The following SLF2 variants were observed in gnomAD, a reference collection of about 807,000 sequenced individuals.
SLF2 encodes the protein SMC5/6 complex localization factor 2.
SLF2 carries 68 observed loss-of-function variants against 124.3 expected under a neutral mutation model. The ratio of observed to expected loss-of-function variants is 0.55; its 90% confidence interval spans 0.45 to 0.67. SLF2 has a LOEUF of 0.67. SLF2 is among the 30% of genes least tolerant of loss of function. The pLI, the probability that SLF2 is intolerant of heterozygous loss-of-function variation, is 0.00. For synonymous variants in SLF2, 480 were observed against 478.8 expected (o/e 1.00, Z -0.03); for missense variants, 1,246 against 1,373.7 (o/e 0.91, Z 1.47).
chr10:100,939,025 G>C (rs1230377625), intron 11 of SLF2, among the ~76,000 whole-genome samples: 1 of 151,590 alleles, frequency 6.6e-6, no homozygotes, highest in Non-Finnish European at 1.5e-5. Flanking sequence ...AATTAGACAA[G>C]AGAAAAAAAA....
intron 9 of SLF2, among the ~76,000 whole-genome samples, chr10:100,934,706 G>A (rs919656302): frequency 6.6e-6 from 1 of 151,752 alleles, no homozygotes; most frequent in Non-Finnish European, 1.5e-5. Flanking sequence ...TCCACATCCC[G>A]AATTCAAGCG....
intron 12 of SLF2, among the ~76,000 whole-genome samples, chr10:100,944,677 T>C (rs529200512): frequency 3.9e-5 from 6 of 152,284 alleles, no homozygotes; most frequent in Admixed American, 2.6e-4. Context: ...AATAGTTTTT[T>C]ATAAGTAGGA....
chr10:100,952,132 CACT>C (rs1340616735), intron 17 of SLF2, among the ~76,000 whole-genome samples: 11 of 151,738 alleles, frequency 7.2e-5, no homozygotes, highest in African/African-American at 2.7e-4. Context: ...TAATCCCAGC[CACT>C]CGGGAGGCTG....
At chr10:100,947,686 C>T in intron 14 of SLF2, 74 bp from the exon 15 acceptor site, 1 of 1,033,516 alleles carries the variant, frequency 9.7e-7, no homozygotes, top group Non-Finnish European at 1.5e-6. Context: ...TAGAGCTCCT[C>T]TTGGCTCATT....
intron 4 of SLF2, among the ~76,000 whole-genome samples, chr10:100,918,821 G>C (rs931743883): frequency 1.3e-5 from 2 of 151,738 alleles, no homozygotes; most frequent in African/African-American, 4.8e-5. Context: ...ACGAGGTTTC[G>C]CCACGTTGCC....
chr10:100,916,242 A>G (rs1189014031), intron 2 of SLF2, among the ~76,000 whole-genome samples, 200 bp downstream of exon 2: 2 of 152,194 alleles, frequency 1.3e-5, no homozygotes, highest in East Asian at 3.8e-4. Context: ...ATGTTTTCTT[A>G]CATTTAAAAT....
chr10:100,957,250 T>A (rs1252544312), intron 18 of SLF2, among the ~76,000 whole-genome samples: 2 of 152,042 alleles, frequency 1.3e-5, no homozygotes, highest in Non-Finnish European at 2.9e-5. Flanking sequence ...GAAAACTTGT[T>A]TTATTCATAG....
At chr10:100,960,726 G>A (rs1850411091) in intron 19 of SLF2, among the ~76,000 whole-genome samples, 1 of 151,758 alleles carries the variant, frequency 6.6e-6, no homozygotes, top group South Asian at 2.1e-4. Flanking sequence ...CTTCCATTCT[G>A]TGTGTTGCCT....
At chr10:100,947,548 T>G (rs1850127832) in intron 14 of SLF2, among the ~76,000 whole-genome samples, 1 of 152,154 alleles carries the variant, frequency 6.6e-6, no homozygotes, top group South Asian at 2.1e-4. Context: ...GTTAAATGAT[T>G]TATTGAGCTT....
intron 17 of SLF2, among the ~76,000 whole-genome samples, chr10:100,955,303 A>C (rs967819873): frequency 1.3e-5 from 2 of 151,990 alleles, no homozygotes; most frequent in Non-Finnish European, 2.9e-5. Context: ...TCCCATATAT[A>C]CCAGAAAGAG....
chr10:100,951,107 G>A (rs1255262300), intron 17 of SLF2, among the ~76,000 whole-genome samples: 2 of 152,188 alleles, frequency 1.3e-5, no homozygotes, highest in African/African-American at 4.8e-5. Flanking sequence ...GCCAGGCGTT[G>A]TGGCAGGTGC....
intron 9 of SLF2, among the ~76,000 whole-genome samples, chr10:100,932,718 TGTGCGC>T (rs1294263775): frequency 2.8e-3 from 59 of 21,190 alleles, no homozygotes; most frequent in East Asian, 8.6e-3. Context: ...TGTGTGTGTG[TGTGCGC>T]GCGCGCGCGC....
At chr10:100,937,371 T>C (rs1476398971) in intron 9 of SLF2, 31 bp from the exon 10 acceptor site, 2 of 1,535,762 alleles carry the variant, frequency 1.3e-6, no homozygotes, top group Admixed American at 3.3e-5. Flanking sequence ...TCTTTCTTCT[T>C]AATATCCTGT....
chr10:100,924,234 T>C lies in SLF2; in HGVS notation c.1233T>C (p.Asn411=), dbSNP rs771631026. ...DGSSAGLAPS[N]SGNSGHHSTR... is the part of the protein sequence containing the mutation. Reference sequence around the variant, plus strand: ...CTTCTGCAGGCTTGGCACCTTCAAATTCTGGCAATTCTGGCCACCATTCTA... The same window carrying C: ...CTTCTGCAGGCTTGGCACCTTCAAACTCTGGCAATTCTGGCCACCATTCTA... The change falls in exon 5 of 20, where the codon AAT becomes AAC. Residue 411 remains asparagine, a synonymous_variant. Coordinates refer to ENST00000238961, the MANE Select transcript of SLF2 (RefSeq NM_018121.4). 6.2e-7 allele frequency: 1 copy of C among 1,614,106 alleles called. No homozygotes were observed. The highest frequency in any genetic ancestry group is 8.5e-7 in the Non-Finnish European group (1 of 1,180,018).
intron 19 of SLF2, among the ~76,000 whole-genome samples, chr10:100,960,794 C>G (rs959437249): frequency 6.6e-6 from 1 of 150,878 alleles, no homozygotes; most frequent in Non-Finnish European, 1.5e-5. Context: ...GATGTTATAT[C>G]TAAGGAGTCT....
In SLF2 at chr10:100,944,052, G is replaced by A; in HGVS notation, c.2681G>A (p.Gly894Glu). 6.2e-7 allele frequency: 1 copy of A among 1,612,028 alleles called. No homozygotes were observed. The highest frequency in any genetic ancestry group is 8.5e-7 in the Non-Finnish European group (1 of 1,179,224). ...TCTGAAACACAGACAACATCAAGGG[G>A]GAAAGAAAGTGAAGATTCATCTTAT... ...LVSETQTTSR[G>E]KESEDSSYKP... Residue 894 changes from glycine (G) to glutamate (E), a missense_variant, in exon 12 of 20, where the codon GGG becomes GAG. Physicochemically the swap from Gly to Glu is moderately conservative, Grantham distance 98 (BLOSUM62 -2). Transcript: ENST00000238961.
chr10:100,933,686 T>C (rs946776177), intron 9 of SLF2, among the ~76,000 whole-genome samples: 3 of 152,202 alleles, frequency 2.0e-5, no homozygotes, highest in Non-Finnish European at 2.9e-5. Flanking sequence ...ATTTGTTTGT[T>C]TGTTTATTTT....
rs746897758 is a variant in SLF2, at chr10:100,926,133, CTG to C, written c.2042+116_2042+117del. 1.5e-5 allele frequency: 23 copies of C among 1,574,126 alleles called. No individual in the cohort carries two copies. In the African/African-American group the frequency reaches 2.4e-4, roughly 17 times the overall value. ...GAGAAATTAGCGTGCATTTTGGACT[CTG>C]TTGTCAACTGTGTTAGAATAAGATA... is the stretch of plus-strand genomic sequence containing the variant. On this transcript the variant is annotated intron_variant, in intron 6 of 19. Coordinates refer to ENST00000238961, the MANE Select transcript of SLF2 (RefSeq NM_018121.4).
In SLF2 at chr10:100,950,216, T is replaced by C. The variant is rs1435456894; in HGVS notation, c.3252+9T>C. 3 of 1,611,796 alleles carry C rather than the reference T, an allele frequency of 1.9e-6. No homozygotes were observed. The highest frequency in any genetic ancestry group is 4.5e-5 in the East Asian group (2 of 44,794). Reference sequence around the variant, plus strand: ...TAGAACTTGAAAAGCAGGTATCCAGTGCTAGAAGGTCTCAAAGAGTACATA... The same window carrying C: ...TAGAACTTGAAAAGCAGGTATCCAGCGCTAGAAGGTCTCAAAGAGTACATA... On this transcript the variant is annotated intron_variant, in intron 16 of 19. Transcript: ENST00000238961.
Sources: allele counts gnomAD v4.1 joint callset (sites outside exome capture counted in the v4.1 genomes callset), GRCh38; gene constraint gnomAD v4.1.1; transcripts MANE v1.5; gene names NCBI Gene and HGNC (gene_info 2026-07-23, HGNC 2026-07-21).